MEP1B: variants seen among roughly 807,000 people sequenced by gnomAD.
MEP1B encodes meprin A subunit beta, also known as N-benzoyl-L-tyrosyl-P-amino-benzoic acid hydrolase subunit beta.
MEP1B carries 80 observed loss-of-function variants against 84.6 expected under a neutral mutation model. That is an observed-to-expected ratio of 0.95 (90% CI 0.79 to 1.14). MEP1B has a LOEUF of 1.14. MEP1B is among the 50% of genes most tolerant of loss of function. MEP1B has a pLI of 0.00. For synonymous variants in MEP1B, 273 were observed against 288.1 expected (o/e 0.95, Z 0.53); for missense variants, 766 against 855.1 (o/e 0.90, Z 1.30).
chr18:32,217,108 C>G lies in MEP1B; in HGVS notation c.1877C>G (p.Ala626Gly). 1 of 1,613,660 alleles carries G rather than the reference C, an allele frequency of 6.2e-7. No homozygotes were observed. Among genetic ancestry groups the G allele is most frequent in the South Asian group, 1.1e-5 (1 of 91,048 alleles). The change falls in exon 13 of 15, where the codon GCT becomes GGT. Residue 626 changes from alanine (A) to glycine (G), a missense_variant. Physicochemically the swap from Ala to Gly is moderately conservative, Grantham distance 60. Coordinates refer to ENST00000269202, the MANE Select transcript of MEP1B (RefSeq NM_005925.3). ...DGVCTVRDGK[A>G]ECRCQSGEDW... ...GTCTGCACTGTTCGAGATGGCAAAGCTGAGTGCAGGTAAGGATGATTTGAA... is the reference window on the plus strand; with the variant it reads ...GTCTGCACTGTTCGAGATGGCAAAGGTGAGTGCAGGTAAGGATGATTTGAA...
intron 12 of MEP1B, among the ~76,000 whole-genome samples, chr18:32,216,001 T>C (rs976053270): frequency 3.6e-5 from 4 of 111,878 alleles, no homozygotes; most frequent in African/African-American, 2.0e-4. Context: ...TATATATATA[T>C]ATATATATAT....
chr18:32,207,994 C>A, intron 8 of MEP1B, 125 bp from the exon 9 acceptor site: 2 of 911,192 alleles, frequency 2.2e-6, no homozygotes, highest in Non-Finnish European at 3.4e-6. Flanking sequence ...CCACCATCAT[C>A]CAGAATCAGC....
rs763687655 is a variant in MEP1B at position 32,220,229 on chromosome 18, A to C, written c.2092-2A>C. On this transcript the variant is annotated splice_acceptor_variant, in intron 14 of 14. Coordinates refer to ENST00000269202, the MANE Select transcript of MEP1B (RefSeq NM_005925.3). LOFTEE classifies it high-confidence loss of function. ...ATCATCAATTGTTCTTTCCCCTTTT[A>C]GCAGCATGCTTTTTGAAGATTAACT... 6.2e-7 allele frequency: 1 copy of C among 1,607,222 alleles called. No homozygotes were observed. The highest frequency in any genetic ancestry group is 8.5e-7 in the Non-Finnish European group (1 of 1,176,140).
At position 32,213,700 on chromosome 18, in the gene MEP1B, G is replaced by A. The variant is rs1307264089; in HGVS notation, c.1579+141G>A. The A allele has an allele frequency of 1.5e-5, 10 of 656,020 alleles. No individual in the cohort carries two copies. The East Asian group carries it at 2.4e-4, about 16-fold the overall frequency. 40.6% of individuals were successfully genotyped at this position (656,020 alleles called of 1,614,324 possible). ...CTTAAGAACAGATATTTAGGGGAAA[G>A]GTTTCAAGAATTGTGGACTGAGTCT... is the stretch of plus-strand genomic sequence containing the variant. On this transcript the variant is annotated intron_variant, in intron 11 of 14. Transcript: ENST00000269202.
chr18:32,196,992 G>A lies in MEP1B; in HGVS notation c.250+1507G>A. The A allele has an allele frequency of 4.5e-6, 1 of 223,332 alleles. No homozygotes were observed. The highest frequency in any genetic ancestry group is 8.8e-6 in the Non-Finnish European group (1 of 113,176). The allele number at this position is 223,332 out of a possible 1,614,324, so 13.8% of individuals were successfully genotyped here. ...GGGAGCCAGTCTTTATTTTAAAGCA[G>A]TGGTTTACCCTATGATCAATTATAC... On this transcript the variant is annotated intron_variant, in intron 5 of 14. Coordinates refer to ENST00000269202, the MANE Select transcript of MEP1B (RefSeq NM_005925.3). The surrounding 1 kb of genome is among the most constrained non-coding windows in gnomAD (Gnocchi z 4.4).
At chr18:32,206,707 G>T (rs1269377795) in intron 7 of MEP1B, among the ~76,000 whole-genome samples, 1 of 152,096 alleles carries the variant, frequency 6.6e-6, no homozygotes, top group Non-Finnish European at 1.5e-5. Context: ...CGCCTCCTGG[G>T]TTCAACCAAT....
At chr18:32,220,113 G>T in intron 14 of MEP1B, 118 bp from the exon 15 acceptor site, 3 of 921,944 alleles carry the variant, frequency 3.3e-6, no homozygotes, top group Non-Finnish European at 5.1e-6. Flanking sequence ...CTAGGAGGGA[G>T]GCCAGGAGAC....
At chr18:32,209,478 CGTT>C (rs1568270474) in intron 9 of MEP1B, among the ~76,000 whole-genome samples, 2 of 136,160 alleles carry the variant, frequency 1.5e-5, no homozygotes, top group South Asian at 2.2e-4. Flanking sequence ...CAGAGTAAGA[CGTT>C]GTCTCAAAAA....
In MEP1B at chr18:32,217,876, C is replaced by G. The variant is rs746090552; in HGVS notation, c.2002C>G (p.Leu668Val). 1 of 1,613,906 alleles carries G rather than the reference C, an allele frequency of 6.2e-7. No homozygotes were observed. Among genetic ancestry groups the G allele is most frequent in the Non-Finnish European group, 8.5e-7 (1 of 1,179,874 alleles). The change falls in exon 14 of 15, where the codon CTG becomes GTG. Residue 668 changes from leucine (L) to valine (V), a missense_variant. Physicochemically the swap from Leu to Val is conservative, Grantham distance 32. Transcript: ENST00000269202. ...TACTGTTGCTGTGTTTGCCTTGATGCTGATCATCACCCTTGTCAGTGTCTA... is the reference window on the plus strand; with the variant it reads ...TACTGTTGCTGTGTTTGCCTTGATGGTGATCATCACCCTTGTCAGTGTCTA... Reference protein sequence around the residue: ...SSTVAVFALMLIITLVSVYCT... With the variant: ...SSTVAVFALMVIITLVSVYCT...
intron 5 of MEP1B, among the ~76,000 whole-genome samples, chr18:32,201,382 G>A (rs949750865): frequency 1.3e-5 from 2 of 151,330 alleles, no homozygotes; most frequent in Admixed American, 6.6e-5. Context: ...CAGCGTCCTC[G>A]GATTAAAAGC....
chr18:32,215,008 T>C (rs925803741), intron 11 of MEP1B, 74 bp from the exon 12 acceptor site: 1 of 1,053,088 alleles, frequency 9.5e-7, no homozygotes. Flanking sequence ...GTGTTTCACA[T>C]TGCCTGTTCT....
In MEP1B at chr18:32,209,981, G is replaced by A. The variant is rs78577370; in HGVS notation, c.920-520G>A. The stretch of plus-strand genomic sequence containing the variant: ...CTACCCACCCAAGTTTCAAACCCTC[G>A]TTTTGACTTAATTTCCATTTTCCTT... On this transcript the variant is annotated intron_variant, in intron 9 of 14. Coordinates refer to ENST00000269202, the MANE Select transcript of MEP1B (RefSeq NM_005925.3). Among the ~76,000 whole-genome samples, 1,250 of 152,198 alleles carry A rather than the reference G, an allele frequency of 8.2e-3. 22 individuals are homozygous for A. Among genetic ancestry groups the A allele is most frequent in the African/African-American group, 0.029 (1,202 of 41,508 alleles).
chr18:32,210,564 A>C lies in MEP1B; in HGVS notation c.983A>C (p.Glu328Ala). ...AATGTGGGGGCCACAGCAGTGCTGG[A>C]AAGTAGAACGCTGTACCCTAAAAGA... ...SVNVGATAVL[E>A]SRTLYPKRGF... Residue 328 changes from glutamate (E) to alanine (A), a missense_variant, in exon 10 of 15, where the codon GAA (glutamate) becomes GCA (alanine). Glu to Ala is a moderately radical substitution (Grantham distance 107, BLOSUM62 -1). Transcript: ENST00000269202. 6.2e-7 allele frequency: 1 copy of C among 1,614,032 alleles called. No homozygotes were observed. The highest frequency in any genetic ancestry group is 8.5e-7 in the Non-Finnish European group (1 of 1,179,888).
rs767792067 is a variant in MEP1B at position 32,208,169 on chromosome 18, T to C, written c.817T>C (p.Cys273Arg). The part of the protein sequence containing the change: ...DSCSFELENV[C>R]GMIQSSGDNA... ...GTGCAGTTTTGAACTGGAAAATGTG[T>C]GTGGCATGATCCAAAGTTCAGGAGA... The change falls in exon 9 of 15, where the codon TGT becomes CGT. Residue 273 changes from cysteine (C) to arginine (R), a missense_variant. Physicochemically the swap from Cys to Arg is radical, Grantham distance 180. Coordinates refer to ENST00000269202, the MANE Select transcript of MEP1B (RefSeq NM_005925.3). 2 of 1,613,980 alleles carry C rather than the reference T, an allele frequency of 1.2e-6. No homozygotes were observed. The highest frequency in any genetic ancestry group is 1.1e-5 in the South Asian group (1 of 91,084).
Position 32,217,788 on chromosome 18 carries a change from C to T in MEP1B, c.1914C>T (p.Tyr638=), listed in dbSNP as rs1405357902. 3.7e-6 allele frequency: 6 copies of T among 1,613,738 alleles called. No homozygotes were observed. In the South Asian group the frequency reaches 6.6e-5, roughly 18 times the overall value. The change falls in exon 14 of 15, where the codon TAC becomes TAT. Residue 638 remains tyrosine, a synonymous_variant. Transcript: ENST00000269202. ...GCCAGTCAGGGGAAGACTGGTGGTA[C>T]ATGGGAGAAAGGTGTGAAAAGAGAG... ...CRCQSGEDWW[Y]MGERCEKRGS...
Position 32,202,966 on chromosome 18 carries a change from T to C in MEP1B, c.324T>C (p.Pro108=). ...YRLKTCIDFK[P]WAGETNYISV... ...TTAAAACATGTATTGACTTTAAGCC[T>C]TGGGCTGGAGAAACAAACTATATAT... Residue 108 remains proline, a synonymous_variant, in exon 6 of 15, where the codon CCT becomes CCC. Transcript: ENST00000269202. 1.9e-6 allele frequency: 3 copies of C among 1,612,562 alleles called. No homozygotes were observed. The highest frequency in any genetic ancestry group is 2.5e-6 in the Non-Finnish European group (3 of 1,179,268).
chr18:32,207,554 T>C, intron 8 of MEP1B, 84 bp downstream of exon 8: 1 of 894,412 alleles, frequency 1.1e-6, no homozygotes, highest in African/African-American at 1.7e-5. Context: ...TTGTCAAGCA[T>C]TGGTGGGGTT....
intron 14 of MEP1B, among the ~76,000 whole-genome samples, chr18:32,218,488 A>G (rs1389320614): frequency 1.3e-5 from 2 of 152,220 alleles, no homozygotes; most frequent in Non-Finnish European, 2.9e-5. Context: ...TCTTGCCTCA[A>G]AAAATCTCTA....
At chr18:32,197,739 T>C (rs953459797) in intron 5 of MEP1B, among the ~76,000 whole-genome samples, 8 of 152,178 alleles carry the variant, frequency 5.3e-5, no homozygotes, top group African/African-American at 1.9e-4. Flanking sequence ...TTTTTAAAAT[T>C]TCAACTTTTA....
Sources: allele counts gnomAD v4.1 joint callset (sites outside exome capture counted in the v4.1 genomes callset), GRCh38; gene constraint gnomAD v4.1.1; non-coding constraint Gnocchi (gnomAD v3.1); transcripts MANE v1.5; gene names NCBI Gene and HGNC (gene_info 2026-07-23, HGNC 2026-07-21).